C2CD3: variants seen among roughly 807,000 people sequenced by gnomAD.
C2CD3 encodes C2 domain containing 3 centriole elongation regulator.
C2CD3 carries 148 observed loss-of-function variants against 234.0 expected under a neutral mutation model. The ratio of observed to expected loss-of-function variants is 0.63; its 90% CI spans 0.55 to 0.72. The LOEUF (loss-of-function observed/expected upper bound fraction) is 0.72. C2CD3 is among the 30% of genes least tolerant of loss of function. The pLI, the probability that C2CD3 is intolerant of heterozygous loss-of-function variation, is 0.00. For missense variants in C2CD3, 2,577 were observed against 2,811.5 expected (o/e 0.92, Z 1.89); for synonymous variants, 1,000 against 1,035.4 (o/e 0.97, Z 0.66).
At chr11:74,146,427 T>G (rs1855189815) in intron 3 of C2CD3, among the ~76,000 whole-genome samples, 1 of 152,194 alleles carries the variant, frequency 6.6e-6, no homozygotes, top group African/African-American at 2.4e-5. Flanking sequence ...TTCCAAGAGT[T>G]GTATCCATTT....
intron 26 of C2CD3, among the ~76,000 whole-genome samples, chr11:74,051,332 A>T (rs1333222819): frequency 6.6e-6 from 1 of 151,958 alleles, no homozygotes; most frequent in Non-Finnish European, 1.5e-5. Context: ...TTCAACTTGG[A>T]AAGTTTTTGA....
At chr11:74,077,755 T>C (rs1955104958) in intron 23 of C2CD3, among the ~76,000 whole-genome samples, 1 of 110,726 alleles carries the variant, frequency 9.0e-6, no homozygotes, top group Non-Finnish European at 1.9e-5. Context: ...TCTGCACATG[T>C]ACCCCAGAAC....
In C2CD3 at chr11:74,090,915, C is replaced by T. The variant is rs1362289369; in HGVS notation, c.3539G>A (p.Arg1180Lys). The change falls in exon 20 of 33, where the codon AGG becomes AAG. Residue 1180 changes from arginine (R) to lysine (K), a missense_variant. Transcript: ENST00000334126. ...QSSGLLDVGL[R>K]YRRSPRTAEG... is the part of the protein sequence containing the mutation. ...TGCTGTTCTTGGACTACGCCTGTAC[C>T]TTAGGCCCACATCCAGTAAACCTGA... 1.2e-6 allele frequency: 2 copies of T among 1,613,886 alleles called. No individual in the cohort carries two copies. Among genetic ancestry groups the T allele is most frequent in the Non-Finnish European group, 1.7e-6 (2 of 1,179,968 alleles).
At chr11:74,121,311 AT>A (rs1389240525) in intron 8 of C2CD3, among the ~76,000 whole-genome samples, 1 of 152,148 alleles carries the variant, frequency 6.6e-6, no homozygotes, top group Non-Finnish European at 1.5e-5. Context: ...TGGTAAAAGA[AT>A]TAAATAAGAC....
At chr11:74,096,921 G>T (rs1278733454) in intron 16 of C2CD3, among the ~76,000 whole-genome samples, 2 of 152,132 alleles carry the variant, frequency 1.3e-5, no homozygotes, top group African/African-American at 4.8e-5. Flanking sequence ...GAGGTGGGTG[G>T]ATCACTTGAG....
Position 74,049,445 on chromosome 11 carries a change from A to G in C2CD3, c.5253T>C (p.Ser1751=). ...CTTTTATCTGCCCCTGGCACTCTCC[A>G]CTGAAGTCTGTGATGTTGTACCAGC... ...VCGWYNITDF[S]GECQGQIKVA... is the part of the protein sequence containing the mutation. The change falls in exon 27 of 33, where the codon AGT becomes AGC. Residue 1751 remains serine, a synonymous_variant. Transcript: ENST00000334126. The G allele has an allele frequency of 6.2e-7, 1 of 1,613,852 alleles. No homozygotes were observed. Among genetic ancestry groups the G allele is most frequent in the Non-Finnish European group, 8.5e-7 (1 of 1,179,990 alleles).
At chr11:74,071,673 G>A (rs1954797957) in intron 24 of C2CD3, among the ~76,000 whole-genome samples, 1 of 152,186 alleles carries the variant, frequency 6.6e-6, no homozygotes, top group African/African-American at 2.4e-5. Flanking sequence ...AGGTATTTCA[G>A]ATTTTGTAAT....
At chr11:74,023,456 A>T (rs1034997124) in intron 32 of C2CD3, among the ~76,000 whole-genome samples, 1 of 152,234 alleles carries the variant, frequency 6.6e-6, no homozygotes, top group African/African-American at 2.4e-5. Context: ...CCTCTCACTT[A>T]GAGCTGCTGA....
chr11:74,083,255 C>T (rs1316152724), intron 22 of C2CD3, among the ~76,000 whole-genome samples: 1 of 152,172 alleles, frequency 6.6e-6, no homozygotes, highest in Non-Finnish European at 1.5e-5. Flanking sequence ...AAAGCTGAAA[C>T]TGGATCCCTT....
chr11:74,080,486 A>C (rs1419034130), intron 22 of C2CD3, among the ~76,000 whole-genome samples: 3 of 152,186 alleles, frequency 2.0e-5, no homozygotes, highest in Non-Finnish European at 2.9e-5. Context: ...TATGCCCCCC[A>C]AAATAAACAA....
Position 74,133,507 on chromosome 11 carries a change from T to C in C2CD3, c.1006A>G (p.Met336Val), listed in dbSNP as rs138239571. The change falls in exon 6 of 33, where the codon ATG becomes GTG. Residue 336 changes from methionine to valine, a missense_variant. Met to Val is a conservative substitution (Grantham distance 21). Transcript: ENST00000334126. ...ATGCTGGTCTCTGGGCTTGATTTCA[T>C]TGCAGAAATCACCATGGCATTACGC... ...KLRNAMVISA[M>V]KSSPETSMLL... 39 of 1,613,096 alleles carry C rather than the reference T, an allele frequency of 2.4e-5. 1 individual carries two copies. In the African/African-American group the frequency reaches 3.1e-4, roughly 13 times the overall value.
At chr11:74,065,919 TGGG>T (rs1954504953) in intron 24 of C2CD3, among the ~76,000 whole-genome samples, 1 of 41,488 alleles carries the variant, frequency 2.4e-5, no homozygotes, top group African/African-American at 1.0e-4. Context: ...TGTCGTGGGG[TGGG>T]GGGAGGGGGG....
chr11:74,066,871 A>AACTCAGAGAAGAGTTT (rs1416411337), intron 24 of C2CD3, among the ~76,000 whole-genome samples: 1 of 152,166 alleles, frequency 6.6e-6, no homozygotes, highest in Non-Finnish European at 1.5e-5. Flanking sequence ...GTAAACATTA[A>AACTCAGAGAAGAGTTT]ACTCAGAGAA....
chr11:74,049,138 G>A (rs1022098446), intron 27 of C2CD3, among the ~76,000 whole-genome samples, 199 bp downstream of exon 27: 3 of 152,158 alleles, frequency 2.0e-5, no homozygotes, highest in Non-Finnish European at 2.9e-5. Flanking sequence ...CTGGTTTTCA[G>A]TGTATTCAAA....
At chr11:74,035,061 T>C (rs1952673833) in intron 30 of C2CD3, among the ~76,000 whole-genome samples, 1 of 152,192 alleles carries the variant, frequency 6.6e-6, no homozygotes, top group Admixed American at 6.5e-5. Flanking sequence ...ATGATACATG[T>C]TTGCAAGATT....
intron 31 of C2CD3, among the ~76,000 whole-genome samples, chr11:74,028,699 CTTAA>C (rs1231259252): frequency 1.3e-5 from 2 of 152,340 alleles, no homozygotes; most frequent in South Asian, 2.1e-4. Context: ...CAGGAGAATG[CTTAA>C]TTATTTAGTC....
intron 2 of C2CD3, among the ~76,000 whole-genome samples, chr11:74,162,877 C>T (rs1022803891): frequency 6.6e-6 from 1 of 152,270 alleles, no homozygotes; most frequent in South Asian, 2.1e-4. Context: ...AAGGGTTGGT[C>T]CCTGCCTCCC....
At chr11:74,163,095 A>C (rs1391868111) in intron 2 of C2CD3, among the ~76,000 whole-genome samples, 4 of 152,194 alleles carry the variant, frequency 2.6e-5, no homozygotes, top group Non-Finnish European at 1.5e-5. Flanking sequence ...GTATTTTCTT[A>C]ACCAAAGTTG....
chr11:74,080,595 T>C (rs991042343), intron 22 of C2CD3, among the ~76,000 whole-genome samples: 2 of 152,186 alleles, frequency 1.3e-5, no homozygotes, highest in African/African-American at 2.4e-5. Flanking sequence ...ATTGAGGTTA[T>C]AGGTAGGAAA....
Sources: allele counts gnomAD v4.1 joint callset (sites outside exome capture counted in the v4.1 genomes callset), GRCh38; gene constraint gnomAD v4.1.1; transcripts MANE v1.5; gene names NCBI Gene and HGNC (gene_info 2026-07-23, HGNC 2026-07-21).